Variants in EPB41L4B observed in about 807,000 individuals in gnomAD.
The protein encoded by EPB41L4B is band 4.1-like protein 4B.
Under a neutral mutation model 112.5 loss-of-function variants are expected in EPB41L4B, and 30 were observed. The observed-to-expected ratio is 0.27, with a 90% CI of 0.20 to 0.36. The LOEUF (loss-of-function observed/expected upper bound fraction) is 0.36. EPB41L4B is among the 10% of genes least tolerant of loss of function. EPB41L4B has a pLI of 1.00. For synonymous variants in EPB41L4B, 408 were observed against 439.7 expected, an observed-to-expected ratio of 0.93 and a Z score of 0.90; for missense variants, 1,024 against 1,133.3, an observed-to-expected ratio of 0.90 and a Z score of 1.38.
At chr9:109,256,364 CA>C (rs769691630) in intron 8 of EPB41L4B, 28 bp downstream of exon 8, 64 of 1,608,042 alleles carry the variant, frequency 4.0e-5, no homozygotes, top group Admixed American at 3.7e-4. Context: ...ACAGCAAAAC[CA>C]AATTACTTAA....
Position 109,217,040 on chromosome 9 carries a change from G to C in EPB41L4B, c.1515C>G (p.His505Gln). 1 of 1,614,220 alleles carries C rather than the reference G, an allele frequency of 6.2e-7. No homozygotes were observed. The highest frequency in any genetic ancestry group is 8.5e-7 in the Non-Finnish European group (1 of 1,180,038). Reference protein sequence around the residue: ...PFLTAASGRHHHQHQHQHQHQ... With the variant: ...PFLTAASGRHQHQHQHQHQHQ... The stretch of plus-strand genomic sequence containing the variant: ...GCTGATGCTGATGCTGGTGCTGGTG[G>C]TGATGCCTTCCTGAAGCTGCGGTGA... Residue 505 changes from histidine to glutamine, a missense_variant, in exon 16 of 26, where the codon CAC becomes CAG. By Grantham distance (24) the His-to-Gln change is conservative (BLOSUM62 0). Coordinates refer to ENST00000374566, the MANE Select transcript of EPB41L4B (RefSeq NM_019114.5).
At chr9:109,288,791 C>T (rs983597408) in intron 1 of EPB41L4B, among the ~76,000 whole-genome samples, 1 of 130,316 alleles carries the variant, frequency 7.7e-6, no homozygotes, top group Non-Finnish European at 1.6e-5. Flanking sequence ...GTCCCAACTA[C>T]TCAAGAGGCT....
intron 15 of EPB41L4B, among the ~76,000 whole-genome samples, chr9:109,227,970 C>T (rs187595477): frequency 9.1e-4 from 138 of 152,270 alleles, no homozygotes; most frequent in Non-Finnish European, 2.9e-4. Flanking sequence ...ACAACTCTTA[C>T]CAGTTGGAAT....
chr9:109,276,873 T>C (rs773163808), intron 2 of EPB41L4B, among the ~76,000 whole-genome samples: 1 of 152,202 alleles, frequency 6.6e-6, no homozygotes, highest in Non-Finnish European at 1.5e-5. Flanking sequence ...CCTCCTCCTT[T>C]CTAACTAGAG....
rs1422122181 is a variant in EPB41L4B at position 109,265,030 on chromosome 9, A to G, written c.534-6T>C. The G allele has an allele frequency of 6.2e-7, 1 of 1,601,376 alleles. No individual in the cohort carries two copies. The highest frequency in any genetic ancestry group is 1.3e-5 in the African/African-American group (1 of 74,306). On this transcript the variant is annotated splice_region_variant and splice_polypyrimidine_tract_variant and intron_variant, in intron 4 of 25. Transcript: ENST00000374566. Reference sequence around the variant, plus strand: ...GTTGTAAAACAAACAGGTACCTGACAAACATATACAAAAGTCAACAGAGGG... The same window carrying G: ...GTTGTAAAACAAACAGGTACCTGACGAACATATACAAAAGTCAACAGAGGG...
rs780968734 is a variant in EPB41L4B at position 109,258,263 on chromosome 9, T to G, written c.666A>C (p.Thr222=). ...ELGECELPEH[T]PELVSEFRFI... is the part of the protein sequence containing the mutation. The stretch of plus-strand genomic sequence containing the variant: ...ACCGAAACTCAGACACAAGCTCTGG[T>G]GTGTGTTCTGGAAGCTCGCACTCCC... Residue 222 remains threonine (T), a synonymous_variant, in exon 7 of 26, where the codon ACA becomes ACC. Coordinates refer to ENST00000374566, the MANE Select transcript of EPB41L4B (RefSeq NM_019114.5). The G allele has an allele frequency of 6.2e-7, 1 of 1,613,958 alleles. No homozygotes were observed. The highest frequency in any genetic ancestry group is 1.1e-5 in the South Asian group (1 of 91,060).
intron 1 of EPB41L4B, among the ~76,000 whole-genome samples, chr9:109,304,581 G>A (rs1176647978): frequency 2.0e-5 from 3 of 152,156 alleles, no homozygotes; most frequent in Non-Finnish European, 4.4e-5. Flanking sequence ...CAGTGCAGGG[G>A]CCAAGAGTAC....
At chr9:109,213,206 T>C (rs774455201) in intron 17 of EPB41L4B, among the ~76,000 whole-genome samples, 9 of 152,226 alleles carry the variant, frequency 5.9e-5, no homozygotes, top group African/African-American at 1.4e-4. Flanking sequence ...CGTTCTAAGA[T>C]AAAATTTGAC....
intron 1 of EPB41L4B, among the ~76,000 whole-genome samples, chr9:109,298,873 C>G (rs971285915): frequency 1.3e-5 from 2 of 152,140 alleles, no homozygotes; most frequent in African/African-American, 4.8e-5. Context: ...CAAAAGTATT[C>G]TTACAAAAAA....
chr9:109,194,350 G>A lies in EPB41L4B; in HGVS notation c.2093C>T (p.Thr698Ile). 4.3e-6 allele frequency: 7 copies of A among 1,614,180 alleles called. No homozygotes were observed. The highest frequency in any genetic ancestry group is 5.9e-6 in the Non-Finnish European group (7 of 1,180,036). Residue 698 changes from threonine (T) to isoleucine (I), a missense_variant, in exon 21 of 26, where the codon ACC becomes ATC. Coordinates refer to ENST00000374566, the MANE Select transcript of EPB41L4B (RefSeq NM_019114.5). Reference protein sequence around the residue: ...PPDLAEAVGVTTSTTTNTTTA... With the variant: ...PPDLAEAVGVITSTTTNTTTA... ...TGTGGTGTTTGTGGTTGTAGATGTG[G>A]TCACTCCCACTGCCTCGGCCAGGTC... is the stretch of plus-strand genomic sequence containing the variant.
intron 15 of EPB41L4B, among the ~76,000 whole-genome samples, chr9:109,237,974 G>C (rs1372950545): frequency 6.6e-6 from 1 of 152,042 alleles, no homozygotes; most frequent in East Asian, 1.9e-4. Context: ...ACATCATCTA[G>C]CAGTCTCATG....
chr9:109,244,501 A>AATGGC (rs1834476596), intron 14 of EPB41L4B, among the ~76,000 whole-genome samples: 1 of 134,700 alleles, frequency 7.4e-6, no homozygotes, highest in African/African-American at 2.9e-5. Context: ...GCTGGAGTGC[A>AATGGC]ATGGCAGTAT....
chr9:109,278,739 T>C (rs1835928494), intron 2 of EPB41L4B, among the ~76,000 whole-genome samples: 1 of 152,206 alleles, frequency 6.6e-6, no homozygotes, highest in Non-Finnish European at 1.5e-5. Context: ...ATGACATATC[T>C]ATGTGCACTG....
At chr9:109,192,891 C>T (rs190750607) in intron 21 of EPB41L4B, among the ~76,000 whole-genome samples, 1 of 152,278 alleles carries the variant, frequency 6.6e-6, no homozygotes, top group Admixed American at 6.5e-5. Context: ...GTCCCATCAA[C>T]GTGGTTCAAG....
intron 17 of EPB41L4B, among the ~76,000 whole-genome samples, chr9:109,209,904 C>A (rs553030799): frequency 6.6e-6 from 1 of 152,278 alleles, no homozygotes; most frequent in South Asian, 2.1e-4. Context: ...AGATTGACAG[C>A]CAGAAATGGT....
intron 15 of EPB41L4B, among the ~76,000 whole-genome samples, chr9:109,225,933 G>A (rs538115504): frequency 6.6e-6 from 1 of 152,314 alleles, no homozygotes; most frequent in African/African-American, 2.4e-5. Flanking sequence ...TGAACTTCCA[G>A]CTTTTATTTT....
chr9:109,316,884 T>C (rs12377482), intron 1 of EPB41L4B, among the ~76,000 whole-genome samples: 10,938 of 152,192 alleles, frequency 0.072, 525 homozygotes, highest in East Asian at 0.14. Flanking sequence ...GGAGGATCGC[T>C]TGAGCCTACA....
intron 15 of EPB41L4B, among the ~76,000 whole-genome samples, chr9:109,220,642 G>A (rs1373236128): frequency 6.6e-6 from 1 of 152,178 alleles, no homozygotes; most frequent in Non-Finnish European, 1.5e-5. Flanking sequence ...CAGTCCAGAA[G>A]AAATGGCACT....
At chr9:109,181,324 C>T (rs1163355873) in intron 24 of EPB41L4B, among the ~76,000 whole-genome samples, 1 of 152,108 alleles carries the variant, frequency 6.6e-6, no homozygotes, top group Non-Finnish European at 1.5e-5. Context: ...ATAAGCTGCC[C>T]AGTGACACCC....
Sources: allele counts gnomAD v4.1 joint callset (sites outside exome capture counted in the v4.1 genomes callset), GRCh38; gene constraint gnomAD v4.1.1; transcripts MANE v1.5; gene names NCBI Gene and HGNC (gene_info 2026-07-23, HGNC 2026-07-21).